CFAP53: variants seen among roughly 807,000 people sequenced by gnomAD.
The protein encoded by CFAP53 is cilia and flagella associated protein 53.
A neutral mutation model predicts 59.7 loss-of-function variants in CFAP53; 62 were observed. The ratio of observed to expected loss-of-function variants is 1.04; its 90% CI spans 0.85 to 1.28. The LOEUF (loss-of-function observed/expected upper bound fraction) is 1.28, where lower values mean the gene tolerates loss of function less well. CFAP53 is among the 50% of genes most tolerant of loss of function. The pLI, the probability that CFAP53 is intolerant of heterozygous loss-of-function variation, is 0.00. For missense variants in CFAP53, 629 were observed against 615.6 expected (o/e 1.02, Z -0.23); for synonymous variants, 218 against 205.7 (o/e 1.06, Z -0.51).
At chr18:50,235,058 A>C (rs556272885) in intron 7 of CFAP53, among the ~76,000 whole-genome samples, 1 of 152,266 alleles carries the variant, frequency 6.6e-6, no homozygotes, top group Non-Finnish European at 1.5e-5. Flanking sequence ...ACGCTGAGGC[A>C]GGAGGCACCT....
intron 3 of CFAP53, among the ~76,000 whole-genome samples, chr18:50,259,718 C>T (rs1367853569): frequency 4.6e-5 from 7 of 152,072 alleles, no homozygotes; most frequent in African/African-American, 7.2e-5. Context: ...CAGACATGAG[C>T]CACTGCGCCC....
At position 50,251,891 on chromosome 18, in the gene CFAP53, C is replaced by T. The variant is rs919123632; in HGVS notation, c.474-107G>A. 4.0e-6 allele frequency: 4 copies of T among 989,094 alleles called. No homozygotes were observed. In the Admixed American group the frequency reaches 6.5e-5, roughly 16 times the overall value. The allele number at this position is 989,094 out of a possible 1,614,324, so 61.3% of individuals were successfully genotyped here. A position where few individuals can be genotyped will look rare whatever the true frequency, so the allele number is the denominator to read the frequency against. On this transcript the variant is annotated intron_variant, in intron 3 of 7. Coordinates refer to ENST00000398545, the MANE Select transcript of CFAP53 (RefSeq NM_145020.5). ...CAATGAAGCAAGAAAAATCAGAGAC[C>T]TGGATGCAGGCCATCGGAGCACAGG...
Position 50,257,704 on chromosome 18 carries a change from A to T in CFAP53, c.473+3360T>A, listed in dbSNP as rs117096420. 7.3e-3 allele frequency among the ~76,000 whole-genome samples: 1,117 copies of T among 152,322 alleles called. 25 individuals are homozygous for T. The highest frequency in any genetic ancestry group is 0.073 in the East Asian group (378 of 5,176). On this transcript the variant is annotated intron_variant, in intron 3 of 7. Coordinates refer to ENST00000398545, the MANE Select transcript of CFAP53 (RefSeq NM_145020.5). Reference sequence around the variant, plus strand: ...TACTACCCAAAGCAATCTACAGACAAAACGCAATCCCTATGAAAATACCAA... The same window carrying T: ...TACTACCCAAAGCAATCTACAGACATAACGCAATCCCTATGAAAATACCAA...
chr18:50,238,649 C>A lies in CFAP53; in HGVS notation c.1270G>T (p.Glu424Ter), dbSNP rs1029660949. Reference sequence around the variant, plus strand: ...TCACAGTTAAGTTCTTTAAGACTTTCATTTATGTGTTTCTGTTCCATAGCA... The same window carrying A: ...TCACAGTTAAGTTCTTTAAGACTTTAATTTATGTGTTTCTGTTCCATAGCA... ...ERAMEQKHIN[E>*]SLKELNCEEK... The change falls in exon 7 of 8, where the codon GAA (glutamate) becomes TAA (stop). Residue 424 changes from glutamate to a stop codon, truncating the protein, a stop_gained. Coordinates refer to ENST00000398545, the MANE Select transcript of CFAP53 (RefSeq NM_145020.5). LOFTEE classifies it low-confidence loss of function (END_TRUNC). 4.1e-5 allele frequency: 66 copies of A among 1,612,342 alleles called. No individual in the cohort carries two copies. Among genetic ancestry groups the A allele is most frequent in the Non-Finnish European group, 5.6e-5 (66 of 1,179,250 alleles).
intron 6 of CFAP53, among the ~76,000 whole-genome samples, chr18:50,241,578 A>G (rs1025675142): frequency 6.6e-6 from 1 of 152,144 alleles, no homozygotes; most frequent in African/African-American, 2.4e-5. Context: ...AAATAAAGAG[A>G]AAGAGTACAA....
rs2033532062 is a variant in CFAP53, at chr18:50,227,236, A to C, written c.*145T>G. 3 of 647,072 alleles carry C rather than the reference A, an allele frequency of 4.6e-6. No individual in the cohort carries two copies. In the South Asian group the frequency reaches 6.3e-5, roughly 14 times the overall value. The allele number at this position is 647,072 out of a possible 1,614,324, so 40.1% of individuals were successfully genotyped here. ...TGAACTCCAAAATAGGCACAGGTTT[A>C]TTCAAAGGAAGAAAATTATGTTCAA... On this transcript the variant is annotated 3_prime_UTR_variant, in exon 8 of 8. Coordinates refer to ENST00000398545, the MANE Select transcript of CFAP53 (RefSeq NM_145020.5).
At chr18:50,260,354 C>A (rs1015435461) in intron 3 of CFAP53, among the ~76,000 whole-genome samples, 3 of 152,018 alleles carry the variant, frequency 2.0e-5, no homozygotes, top group African/African-American at 7.2e-5. Context: ...GGCAAGGAAA[C>A]AGACAATAAA....
chr18:50,237,351 T>TATATATATATATATATATATACAC (rs67836600), intron 7 of CFAP53, among the ~76,000 whole-genome samples: 1 of 16,314 alleles, frequency 6.1e-5, no homozygotes, highest in South Asian at 5.0e-3. Flanking sequence ...TATATATATA[T>TATATATATATATATATATATACAC]ACGCACACAT....
chr18:50,227,425 T>A lies in CFAP53; in HGVS notation c.1501A>T (p.Ile501Phe). ...GGGCATGCCTTGCGCATGGGATGAA[T>A]GTTTTGAGGCAGCACTTGATGGGTG... is the stretch of plus-strand genomic sequence containing the variant. ...LSTHQVLPQNIHPMRKACPSK... is the reference protein window; with the variant it reads ...LSTHQVLPQNFHPMRKACPSK... The change falls in exon 8 of 8, where the codon ATT becomes TTT. Residue 501 changes from isoleucine to phenylalanine, a missense_variant. Transcript: ENST00000398545. 1.9e-6 allele frequency: 3 copies of A among 1,614,180 alleles called. No homozygotes were observed. The highest frequency in any genetic ancestry group is 2.5e-6 in the Non-Finnish European group (3 of 1,180,010).
At chr18:50,259,848 C>G (rs1316800089) in intron 3 of CFAP53, among the ~76,000 whole-genome samples, 1 of 152,120 alleles carries the variant, frequency 6.6e-6, no homozygotes, top group Non-Finnish European at 1.5e-5. Flanking sequence ...CTGTGCCCAG[C>G]CAAATAACAG....
intron 3 of CFAP53, 58 bp from the exon 4 acceptor site, chr18:50,251,842 G>T: frequency 7.1e-7 from 1 of 1,406,962 alleles, no homozygotes; most frequent in Non-Finnish European, 9.9e-7. Context: ...CTGCTCTATT[G>T]AGGCACACAT....
chr18:50,239,081 T>C (rs1201206339), intron 6 of CFAP53, among the ~76,000 whole-genome samples: 1 of 148,632 alleles, frequency 6.7e-6, no homozygotes, highest in Non-Finnish European at 1.5e-5. Flanking sequence ...ATAAAATAAA[T>C]ATTATTTAAA....
rs1457549688 is a variant in CFAP53 at position 50,245,258 on chromosome 18, T to A, written c.997-2142A>T. ...TTAGCCAGGCGCGGTGGTGGGCGCC[T>A]GTAGTCCCAGCTACTCGGGAGGCTG... On this transcript the variant is annotated intron_variant, in intron 5 of 7. Transcript: ENST00000398545. Among the ~76,000 whole-genome samples the A allele has an allele frequency of 2.7e-5, 4 of 150,698 alleles. 1 individual carries two copies. The highest frequency in any genetic ancestry group is 2.6e-4 in the Admixed American group (4 of 15,172).
At chr18:50,243,145 A>T in intron 5 of CFAP53, 29 bp from the exon 6 acceptor site, 3 of 1,562,938 alleles carry the variant, frequency 1.9e-6, no homozygotes, top group Non-Finnish European at 2.6e-6. Flanking sequence ...CATATTGTTA[A>T]AATTTTTTGG....
intron 3 of CFAP53, among the ~76,000 whole-genome samples, chr18:50,260,035 A>G (rs148364080): frequency 3.3e-5 from 5 of 152,346 alleles, no homozygotes; most frequent in African/African-American, 1.2e-4. Context: ...TTGTGAAACT[A>G]AAAGCATCTG....
At chr18:50,266,215 T>G in intron 1 of CFAP53, 121 bp downstream of exon 1, 2 of 866,142 alleles carry the variant, frequency 2.3e-6, no homozygotes, top group Non-Finnish European at 3.8e-6. Flanking sequence ...ACCCACTGCA[T>G]CAGGCGACAC....
rs1386279628 is a variant in CFAP53, at chr18:50,243,108, C to G, written c.1005G>C (p.Met335Ile). The change falls in exon 6 of 8, where the codon ATG becomes ATC. Residue 335 changes from methionine (M) to isoleucine (I), a missense_variant. Transcript: ENST00000398545. ...TATGGTATATCTTCTGTTCTCTTAT[C>G]ATATCTTCCTATGTAACATAAAAAT... ...ADKKKQKRED[M>I]IREQKIYHKY... 1.2e-6 allele frequency: 2 copies of G among 1,608,830 alleles called. No homozygotes were observed. Among genetic ancestry groups the G allele is most frequent in the Admixed American group, 3.3e-5 (2 of 59,936 alleles).
At chr18:50,244,634 C>T (rs994744093) in intron 5 of CFAP53, among the ~76,000 whole-genome samples, 2 of 152,086 alleles carry the variant, frequency 1.3e-5, no homozygotes, top group South Asian at 4.2e-4. Context: ...GTGTCAGAAT[C>T]AAGAAAACTA....
intron 7 of CFAP53, among the ~76,000 whole-genome samples, chr18:50,237,383 C>T (rs1599115987): frequency 1.3e-5 from 1 of 74,124 alleles, no homozygotes; most frequent in African/African-American, 4.9e-5. Flanking sequence ...CACACACACA[C>T]ATACACACAC....
Sources: allele counts gnomAD v4.1 joint callset (sites outside exome capture counted in the v4.1 genomes callset), GRCh38; gene constraint gnomAD v4.1.1; transcripts MANE v1.5; gene names NCBI Gene and HGNC (gene_info 2026-07-23, HGNC 2026-07-21).